TNRC6B: variants seen among roughly 807,000 people sequenced by gnomAD.
TNRC6B encodes trinucleotide repeat containing adaptor 6B, also known as trinucleotide repeat-containing gene 6B protein.
Under a neutral mutation model 203.6 loss-of-function variants are expected in TNRC6B, and 52 were observed. The observed-to-expected ratio is 0.26, with a 90% CI of 0.20 to 0.32. The LOEUF is 0.32. Among genes scored for constraint, TNRC6B ranks in the 10% least tolerant of loss-of-function variants. TNRC6B has a pLI of 1.00. For synonymous variants in TNRC6B, 838 were observed against 845.7 expected (o/e 0.99, Z 0.16); for missense variants, 1,923 against 2,286.2 (o/e 0.84, Z 3.24).
chr22:40,234,709 T>G (rs2069924588), intron 1 of TNRC6B, among the ~76,000 whole-genome samples: 1 of 152,228 alleles, frequency 6.6e-6, no homozygotes, highest in Non-Finnish European at 1.5e-5. Context: ...TTAAAATTAA[T>G]TAAAAATGCA....
Position 40,266,575 on chromosome 22 carries a change from C to CT in TNRC6B, c.2347dup (p.Trp783LeufsTer3). Reference sequence around the variant, plus strand: ...GAAGGAGGGCAGAATGAAATCGGGACTTGGGGTAATGGTGGCAATGCAAGC... The same window carrying CT: ...GAAGGAGGGCAGAATGAAATCGGGACTTTGGGGTAATGGTGGCAATGCAAGC... On this transcript the variant is annotated frameshift_variant, in exon 5 of 23. Transcript: ENST00000454349. LOFTEE classifies it high-confidence loss of function. The CT allele has an allele frequency of 6.2e-7, 1 of 1,613,406 alleles. No homozygotes were observed. Among genetic ancestry groups the CT allele is most frequent in the Non-Finnish European group, 8.5e-7 (1 of 1,179,594 alleles).
chr22:40,116,565 A>G (rs1377976787), intron 1 of TNRC6B, among the ~76,000 whole-genome samples: 1 of 152,206 alleles, frequency 6.6e-6, no homozygotes, highest in Non-Finnish European at 1.5e-5. Flanking sequence ...ACAGAGAACC[A>G]GCGAAATGGC....
chr22:40,167,721 A>AG (rs1225578468), intron 4 of TNRC6B, among the ~76,000 whole-genome samples: 1 of 150,156 alleles, frequency 6.7e-6, no homozygotes, highest in Non-Finnish European at 1.5e-5. Flanking sequence ...AAAAAAAAAA[A>AG]AAAAAAAAAG....
intron 21 of TNRC6B, among the ~76,000 whole-genome samples, chr22:40,318,699 T>C (rs1601520619): frequency 6.6e-6 from 1 of 152,038 alleles, no homozygotes; most frequent in African/African-American, 2.4e-5. Context: ...TATGATGAGA[T>C]TGAGAGAAGC....
intron 2 of TNRC6B, among the ~76,000 whole-genome samples, chr22:40,118,053 T>A (rs575811067): frequency 6.6e-6 from 1 of 152,228 alleles, no homozygotes; most frequent in Non-Finnish European, 1.5e-5. Context: ...GACTTGCTAA[T>A]ATGAGGGGTC....
intron 1 of TNRC6B, among the ~76,000 whole-genome samples, chr22:40,082,382 G>A (rs2068069644): frequency 6.6e-6 from 1 of 152,132 alleles, no homozygotes; most frequent in African/African-American, 2.4e-5. Context: ...GGAATAGCAT[G>A]TACCAAGCCA....
intron 6 of TNRC6B, among the ~76,000 whole-genome samples, chr22:40,272,131 A>G (rs1050461091): frequency 6.6e-6 from 1 of 152,194 alleles, no homozygotes. Flanking sequence ...AATCATAAAT[A>G]TGGTATTATA....
chr22:40,147,971 C>T (rs112043144), intron 3 of TNRC6B, among the ~76,000 whole-genome samples: 1 of 152,072 alleles, frequency 6.6e-6, no homozygotes, highest in Non-Finnish European at 1.5e-5. Flanking sequence ...AGTGGTTGCA[C>T]AATTCTGTAA....
chr22:40,265,732 A>G lies in TNRC6B; in HGVS notation c.1502A>G (p.Lys501Arg), dbSNP rs1258015456. ...GACAACAAATGGGGTGAAGGGAACAAAATGACATCTGGGGTCTCTCAGGGA... is the reference window on the plus strand; with the variant it reads ...GACAACAAATGGGGTGAAGGGAACAGAATGACATCTGGGGTCTCTCAGGGA... ...SNDNKWGEGN[K>R]MTSGVSQGEW... The change falls in exon 5 of 23, where the codon AAA becomes AGA. Residue 501 changes from lysine to arginine, a missense_variant. Around this residue, in one of 8 missense-constraint regions of TNRC6B, gnomAD observed 614 missense variants for 587.7 expected, o/e 1.04. Transcript: ENST00000454349. 6.2e-7 allele frequency: 1 copy of G among 1,614,030 alleles called. No homozygotes were observed.
chr22:40,064,450 A>C (rs904907375), intron 1 of TNRC6B, among the ~76,000 whole-genome samples: 2 of 151,880 alleles, frequency 1.3e-5, no homozygotes, highest in Admixed American at 6.6e-5. Flanking sequence ...ATTTTTATTA[A>C]GAAAGGGTAT....
At position 40,218,307 on chromosome 22, in the gene TNRC6B, TTTTTCTTTTTTC is replaced by T. The variant is rs1391393383; in HGVS notation, c.6-27696_6-27685del. Among the ~76,000 whole-genome samples, 128 of 145,230 alleles carry T rather than the reference TTTTTCTTTTTTC, an allele frequency of 8.8e-4. 1 individual carries two copies. The highest frequency in any genetic ancestry group is 7.0e-3 in the Middle Eastern group (2 of 284). On this transcript the variant is annotated intron_variant, in intron 1 of 22. Coordinates refer to ENST00000454349, the MANE Select transcript of TNRC6B (RefSeq NM_001162501.2). ...CTTTTGTGGGCAAGAGATGATTTTT[TTTTTCTTTTTTC>T]TTTTCTTTTTTTTTTTTTTTTTTTT...
In TNRC6B at chr22:40,110,432, G is replaced by A. The variant is rs147606332; in HGVS notation, c.-120-6623G>A. ...ATCTGCTGTTTCAGTAGCTGCCTCTGCTGTTCTTGTAACCCTCGGTGAATT... is the reference window on the plus strand; with the variant it reads ...ATCTGCTGTTTCAGTAGCTGCCTCTACTGTTCTTGTAACCCTCGGTGAATT... On this transcript the variant is annotated intron_variant, in intron 1 of 23. Coordinates refer to the TNRC6B transcript ENST00000301923. 4.9e-3 allele frequency among the ~76,000 whole-genome samples: 746 copies of A among 152,310 alleles called. 4 individuals carry two copies. Among genetic ancestry groups the A allele is most frequent in the Non-Finnish European group, 8.6e-3 (582 of 68,024 alleles).
At chr22:40,216,644 C>T (rs111843182) in intron 1 of TNRC6B, among the ~76,000 whole-genome samples, 4 of 152,066 alleles carry the variant, frequency 2.6e-5, no homozygotes, top group African/African-American at 9.7e-5. Flanking sequence ...AAACGCAACA[C>T]CTCTATATTA....
At chr22:40,210,765 A>G (rs1048911282) in intron 1 of TNRC6B, among the ~76,000 whole-genome samples, 2 of 152,148 alleles carry the variant, frequency 1.3e-5, no homozygotes, top group African/African-American at 4.8e-5. Flanking sequence ...AATATTCTTT[A>G]CCTGTCACCT....
chr22:40,189,862 G>A (rs1223999801), intron 1 of TNRC6B, among the ~76,000 whole-genome samples: 1 of 151,848 alleles, frequency 6.6e-6, no homozygotes. Flanking sequence ...CCAAGTAAAG[G>A]CATTTTTGAA....
At chr22:40,295,845 G>T (rs1337566371) in intron 12 of TNRC6B, among the ~76,000 whole-genome samples, 1 of 152,148 alleles carries the variant, frequency 6.6e-6, no homozygotes, top group Non-Finnish European at 1.5e-5. Flanking sequence ...TTTACAGAGT[G>T]GAGGTAAAAA....
chr22:40,055,944 C>T (rs1257081463), intron 1 of TNRC6B, among the ~76,000 whole-genome samples: 1 of 152,232 alleles, frequency 6.6e-6, no homozygotes, highest in Admixed American at 6.5e-5. Context: ...CCAAGTGGTT[C>T]ACTGAGCTAA....
At chr22:40,086,413 A>G (rs1353208441) in intron 1 of TNRC6B, among the ~76,000 whole-genome samples, 1 of 152,186 alleles carries the variant, frequency 6.6e-6, no homozygotes, top group Non-Finnish European at 1.5e-5. Flanking sequence ...TGATGCTCAA[A>G]TGATCCCATC....
At chr22:40,269,815 G>C (rs1391918698) in intron 5 of TNRC6B, among the ~76,000 whole-genome samples, 1 of 150,540 alleles carries the variant, frequency 6.6e-6, no homozygotes, top group Admixed American at 6.6e-5. Context: ...TTGAACCTGG[G>C]AGGTGGAGGT....
Sources: gnomAD v4.1 joint callset for allele counts (sites outside exome capture counted in the v4.1 genomes callset) on GRCh38, gnomAD v4.1.1 for gene constraint, gnomAD v4.1.1 regional missense constraint, MANE v1.5 for transcripts, NCBI Gene and HGNC (gene_info 2026-07-23, HGNC 2026-07-21) for gene names.